Variants in ALDH1A2 observed in about 807,000 individuals in gnomAD.
The protein encoded by ALDH1A2 is retinal dehydrogenase 2.
Under a neutral mutation model 60.3 loss-of-function variants are expected in ALDH1A2, and 27 were observed. The observed-to-expected ratio is 0.45, with a 90% CI of 0.33 to 0.62. The LOEUF (loss-of-function observed/expected upper bound fraction) is 0.62, where lower values mean the gene tolerates loss of function less well. ALDH1A2 is among the 20% of genes least tolerant of loss of function. The pLI is 0.02. For synonymous variants in ALDH1A2, 289 were observed against 232.4 expected, an observed-to-expected ratio of 1.24 and a Z score of -2.21; for missense variants, 581 against 643.8, an observed-to-expected ratio of 0.90 and a Z score of 1.06.
chr15:58,065,588 C>T lies in ALDH1A2; in HGVS notation c.63G>A (p.Ala21=), dbSNP rs748689904. 5.6e-6 allele frequency: 9 copies of T among 1,612,886 alleles called. No individual in the cohort carries two copies. Among genetic ancestry groups the T allele is most frequent in the Non-Finnish European group, 7.6e-6 (9 of 1,179,440 alleles). ...EVKADPAALM[A]SLHLLPSPTP... is the part of the protein sequence containing the mutation. Reference sequence around the variant, plus strand: ...TGGGCGACGGCAGGAGGTGCAGCGACGCCATGAGGGCGGCGGGGTCGGCCT... The same window carrying T: ...TGGGCGACGGCAGGAGGTGCAGCGATGCCATGAGGGCGGCGGGGTCGGCCT... Residue 21 remains alanine (A), a synonymous_variant, in exon 1 of 13, where the codon GCG becomes GCA. Transcript: ENST00000249750.
chr15:58,022,087 C>G lies in ALDH1A2; in HGVS notation c.118-7806G>C, dbSNP rs1431886942. ...TCAATGCAGCTGCTACTGCCCCTCA[C>G]TCAAGCACTCTGCCTAGGGCCTAAG... On this transcript the variant is annotated intron_variant, in intron 1 of 12. Coordinates refer to ENST00000249750, the MANE Select transcript of ALDH1A2 (RefSeq NM_003888.4). Among the ~76,000 whole-genome samples, 5 of 152,314 alleles carry G rather than the reference C, an allele frequency of 3.3e-5. No individual in the cohort carries two copies. The South Asian group carries it at 8.3e-4, about 25-fold the overall frequency.
At chr15:58,043,833 TG>T (rs1896576121) in intron 1 of ALDH1A2, among the ~76,000 whole-genome samples, 1 of 152,020 alleles carries the variant, frequency 6.6e-6, no homozygotes, top group Admixed American at 6.6e-5. Context: ...CTCTAATGAA[TG>T]AGAATCTTTT....
intron 4 of ALDH1A2, 97 bp from the exon 5 acceptor site, chr15:57,995,236 A>AC: frequency 7.7e-6 from 5 of 647,220 alleles, no homozygotes; most frequent in Non-Finnish European, 1.3e-5. Context: ...AAAAAAAAAA[A>AC]CAAACAGAAA....
chr15:58,062,965 G>A (rs1445703936), intron 1 of ALDH1A2, among the ~76,000 whole-genome samples: 1 of 152,148 alleles, frequency 6.6e-6, no homozygotes, highest in Non-Finnish European at 1.5e-5. Flanking sequence ...ACCTCTAGCA[G>A]GCAAAGGCAG....
intron 7 of ALDH1A2, among the ~76,000 whole-genome samples, chr15:57,979,216 A>G (rs1283610069): frequency 2.6e-5 from 4 of 152,124 alleles, no homozygotes; most frequent in African/African-American, 9.7e-5. Context: ...AGCATCATAG[A>G]CAGGCCCCCT....
intron 1 of ALDH1A2, among the ~76,000 whole-genome samples, chr15:58,044,357 C>T (rs1285232998): frequency 1.3e-5 from 2 of 151,858 alleles, no homozygotes; most frequent in African/African-American, 4.8e-5. Flanking sequence ...TCCCTGTGTC[C>T]ACGGGTTCTC....
At chr15:58,001,573 A>G (rs919656317) in intron 4 of ALDH1A2, among the ~76,000 whole-genome samples, 1 of 151,892 alleles carries the variant, frequency 6.6e-6, no homozygotes, top group African/African-American at 2.4e-5. Context: ...TCTCATCTAT[A>G]CCTCAGATGA....
intron 7 of ALDH1A2, chr15:57,980,573 T>C (rs1349734333): frequency 7.3e-6 from 2 of 275,200 alleles, no homozygotes; most frequent in South Asian, 5.5e-5. Context: ...GGGGTCATAT[T>C]TGGGCAGGAG....
intron 7 of ALDH1A2, among the ~76,000 whole-genome samples, chr15:57,983,292 G>T (rs1304963120): frequency 6.6e-6 from 1 of 152,158 alleles, no homozygotes; most frequent in Non-Finnish European, 1.5e-5. Context: ...ACCACTATTT[G>T]TTGATTATCT....
intron 7 of ALDH1A2, among the ~76,000 whole-genome samples, chr15:57,986,863 C>T (rs1373104889): frequency 2.0e-5 from 3 of 151,962 alleles, no homozygotes; most frequent in South Asian, 2.1e-4. Flanking sequence ...CTATGTTGGC[C>T]GGGTTGGTCT....
At chr15:58,007,248 C>CG (rs1895490514) in intron 4 of ALDH1A2, among the ~76,000 whole-genome samples, 1 of 151,878 alleles carries the variant, frequency 6.6e-6, no homozygotes, top group Non-Finnish European at 1.5e-5. Flanking sequence ...GCAATAGTTC[C>CG]ATATTTGCTA....
chr15:58,016,990 C>A (rs2140522281), intron 1 of ALDH1A2, among the ~76,000 whole-genome samples: 1 of 152,130 alleles, frequency 6.6e-6, no homozygotes, highest in African/African-American at 2.4e-5. Context: ...AGATATTTCA[C>A]AATAATTAGA....
At chr15:58,017,324 G>A (rs1438015245) in intron 1 of ALDH1A2, among the ~76,000 whole-genome samples, 2 of 152,140 alleles carry the variant, frequency 1.3e-5, no homozygotes. Flanking sequence ...ATGGACAAAT[G>A]CTGAAGGTAG....
chr15:58,029,046 G>A (rs1033216468), intron 1 of ALDH1A2, among the ~76,000 whole-genome samples: 9 of 151,674 alleles, frequency 5.9e-5, no homozygotes, highest in African/African-American at 1.7e-4. Flanking sequence ...TGAACCAAGT[G>A]GACCAAGTCT....
Position 57,953,802 on chromosome 15 carries a change from T to G in ALDH1A2, c.*1395A>C, listed in dbSNP as rs1893426817. The G allele has an allele frequency of 6.6e-6, 1 of 152,342 alleles. No individual in the cohort carries two copies. Among genetic ancestry groups the G allele is most frequent in the Admixed American group, 6.5e-5 (1 of 15,280 alleles). The allele number at this position is 152,342 out of a possible 1,614,324, so 9.4% of individuals were successfully genotyped here. ...CATATTCCACATACTCTGGGTTATG[T>G]TTGGTACTTTTAAATAAATGATCTG... On this transcript the variant is annotated 3_prime_UTR_variant, in exon 13 of 13. Coordinates refer to ENST00000249750, the MANE Select transcript of ALDH1A2 (RefSeq NM_003888.4).
At chr15:58,028,858 A>G (rs1172473877) in intron 1 of ALDH1A2, among the ~76,000 whole-genome samples, 1 of 152,216 alleles carries the variant, frequency 6.6e-6, no homozygotes, top group Non-Finnish European at 1.5e-5. Flanking sequence ...AACTATCCTA[A>G]ACACATATGC....
chr15:57,961,736 G>A (rs1432940701), intron 10 of ALDH1A2, among the ~76,000 whole-genome samples: 34 of 152,196 alleles, frequency 2.2e-4, no homozygotes, highest in Admixed American at 2.2e-3. Flanking sequence ...ACTATTGCCA[G>A]TGTATTGTTG....
intron 1 of ALDH1A2, among the ~76,000 whole-genome samples, chr15:58,017,673 G>A (rs768724496): frequency 1.3e-5 from 2 of 152,062 alleles, no homozygotes; most frequent in Non-Finnish European, 2.9e-5. Flanking sequence ...TGCATTCAAA[G>A]GCATTGCCAA....
At chr15:57,996,114 A>C (rs962757883) in intron 4 of ALDH1A2, among the ~76,000 whole-genome samples, 3 of 152,128 alleles carry the variant, frequency 2.0e-5, no homozygotes, top group Non-Finnish European at 1.5e-5. Context: ...TCATGAAAGC[A>C]TAACTATTAT....
Sources: gnomAD v4.1 joint callset for allele counts (sites outside exome capture counted in the v4.1 genomes callset) on GRCh38, gnomAD v4.1.1 for gene constraint, MANE v1.5 for transcripts, NCBI Gene and HGNC (gene_info 2026-07-23, HGNC 2026-07-21) for gene names.